Variants in KSR2 observed in about 807,000 individuals in gnomAD.
The protein encoded by KSR2 is kinase suppressor of ras 2.
KSR2 carries 25 observed loss-of-function variants against 107.8 expected under a neutral mutation model. The ratio of observed to expected loss-of-function variants is 0.23; its 90% CI spans 0.17 to 0.32. The LOEUF (loss-of-function observed/expected upper bound fraction) is 0.32, where lower values mean the gene tolerates loss of function less well. Among genes scored for constraint, KSR2 ranks in the 10% least tolerant of loss-of-function variants. The probability of loss-of-function intolerance (pLI) is 1.00; values close to 1 mark genes in which losing one functional copy is unlikely to be tolerated. For synonymous variants in KSR2, 480 were observed against 507.0 expected, an observed-to-expected ratio of 0.95 and a Z score of 0.71; for missense variants, 887 against 1,268.9, an observed-to-expected ratio of 0.70 and a Z score of 4.57.
intron 3 of KSR2, among the ~76,000 whole-genome samples, chr12:117,833,369 G>A (rs1463067270): frequency 2.0e-5 from 3 of 152,024 alleles, no homozygotes; most frequent in African/African-American, 4.8e-5. Context: ...GGTGGGGGTT[G>A]GAGTTTTCTT....
chr12:117,582,507 G>C, intron 5 of KSR2, 148 bp from the exon 6 acceptor site: 1 of 656,116 alleles, frequency 1.5e-6, no homozygotes, highest in South Asian at 1.8e-5. Context: ...GTGGAACACT[G>C]GTTTAGCTTG....
chr12:117,546,591 G>A (rs1226085718), intron 9 of KSR2, among the ~76,000 whole-genome samples: 2 of 152,070 alleles, frequency 1.3e-5, no homozygotes, highest in East Asian at 3.9e-4. Context: ...TCTCTTTCCA[G>A]GACACCGATG....
intron 3 of KSR2, among the ~76,000 whole-genome samples, chr12:117,837,915 T>C (rs1892298857): frequency 6.6e-6 from 1 of 152,156 alleles, no homozygotes; most frequent in Non-Finnish European, 1.5e-5. Context: ...GGTTTCCTGT[T>C]TGAAGAGTGA....
At chr12:117,909,610 G>C (rs1894955609) in intron 1 of KSR2, among the ~76,000 whole-genome samples, 1 of 152,046 alleles carries the variant, frequency 6.6e-6, no homozygotes, top group South Asian at 2.1e-4. Context: ...ATTACATCAA[G>C]ATTATACCAA....
intron 1 of KSR2, among the ~76,000 whole-genome samples, chr12:117,967,202 T>C (rs1445600845): frequency 6.6e-6 from 1 of 152,128 alleles, no homozygotes; most frequent in Non-Finnish European, 1.5e-5. Flanking sequence ...TCTTTCTGAG[T>C]AACTTTGCAA....
intron 14 of KSR2, among the ~76,000 whole-genome samples, chr12:117,491,551 C>T (rs1318527838): frequency 5.3e-5 from 8 of 152,210 alleles, no homozygotes; most frequent in African/African-American, 1.7e-4. Flanking sequence ...TGTTGTCACA[C>T]ACGATAGGAT....
intron 2 of KSR2, among the ~76,000 whole-genome samples, chr12:117,856,503 T>C (rs1321802622): frequency 6.6e-6 from 1 of 152,214 alleles, no homozygotes; most frequent in Non-Finnish European, 1.5e-5. Flanking sequence ...TTTGAGACAG[T>C]CTCGCTCTTG....
intron 4 of KSR2, among the ~76,000 whole-genome samples, chr12:117,721,404 T>C (rs751863688): frequency 1.9e-4 from 29 of 152,308 alleles, no homozygotes; most frequent in African/African-American, 6.7e-4. Context: ...GGCTATATGG[T>C]CAGAATAATA....
At chr12:117,505,344 C>G (rs1873613465) in intron 14 of KSR2, among the ~76,000 whole-genome samples, 1 of 152,190 alleles carries the variant, frequency 6.6e-6, no homozygotes, top group East Asian at 1.9e-4. Flanking sequence ...AACTCAAACC[C>G]TAGAGGCAGC....
At chr12:117,818,914 G>T (rs921188295) in intron 3 of KSR2, among the ~76,000 whole-genome samples, 2 of 152,088 alleles carry the variant, frequency 1.3e-5, no homozygotes, top group Non-Finnish European at 2.9e-5. Context: ...GACATAAAAG[G>T]CTATCATGAA....
chr12:117,911,203 A>C (rs11068740), intron 1 of KSR2, among the ~76,000 whole-genome samples: 12,032 of 148,184 alleles, frequency 0.081, 689 homozygotes, highest in East Asian at 0.18. Flanking sequence ...CACACACTCA[A>C]GAAACAAGAA....
chr12:117,829,589 G>A (rs1593277727), intron 3 of KSR2, among the ~76,000 whole-genome samples: 1 of 152,186 alleles, frequency 6.6e-6, no homozygotes, highest in African/African-American at 2.4e-5. Context: ...ACTCACATCA[G>A]AAACTGATGA....
intron 3 of KSR2, among the ~76,000 whole-genome samples, chr12:117,849,407 G>A (rs764568719): frequency 5.9e-5 from 9 of 152,132 alleles, no homozygotes; most frequent in South Asian, 2.1e-4. Context: ...AACCAATTTC[G>A]TTGAATGAGT....
At chr12:117,939,980 C>T (rs1416772906) in intron 1 of KSR2, among the ~76,000 whole-genome samples, 3 of 150,998 alleles carry the variant, frequency 2.0e-5, no homozygotes, top group Admixed American at 6.6e-5. Flanking sequence ...CACACACACA[C>T]ACACACATTT....
In KSR2 at chr12:117,862,848, C is replaced by G. The variant is rs1269312022; in HGVS notation, c.181-2417G>C. On this transcript the variant is annotated intron_variant, in intron 1 of 19. Coordinates refer to ENST00000339824, the MANE Select transcript of KSR2 (RefSeq NM_173598.6). ...GGGTTCCCTCCATTCTCCTGCCTCA[C>G]CCTCCCGAGTAGCTGGCACTACAGG... Among the ~76,000 whole-genome samples the G allele has an allele frequency of 2.0e-5, 3 of 151,872 alleles. No homozygotes were observed. The East Asian group carries it at 5.8e-4, about 30-fold the overall frequency.
chr12:117,506,275 C>T (rs781087126), intron 14 of KSR2, among the ~76,000 whole-genome samples: 5 of 152,138 alleles, frequency 3.3e-5, no homozygotes, highest in East Asian at 1.9e-4. Flanking sequence ...GATGCAATTT[C>T]GTGAATTATT....
At chr12:117,724,212 G>A (rs773803629) in intron 4 of KSR2, among the ~76,000 whole-genome samples, 10 of 151,484 alleles carry the variant, frequency 6.6e-5, no homozygotes, top group East Asian at 5.8e-4. Flanking sequence ...GGAGGCTTAC[G>A]TGGGAGAATT....
At chr12:117,827,250 T>C (rs1891794532) in intron 3 of KSR2, among the ~76,000 whole-genome samples, 1 of 152,148 alleles carries the variant, frequency 6.6e-6, no homozygotes, top group African/African-American at 2.4e-5. Flanking sequence ...ACTTGGGTGA[T>C]CTTCTGAGAC....
intron 1 of KSR2, among the ~76,000 whole-genome samples, chr12:117,886,946 CAG>C (rs1894194624): frequency 6.6e-6 from 1 of 152,094 alleles, no homozygotes; most frequent in Admixed American, 6.6e-5. Flanking sequence ...TTTTTTGAGA[CAG>C]AGTCTTACTC....
Sources: gnomAD v4.1 joint callset for allele counts (sites outside exome capture counted in the v4.1 genomes callset) on GRCh38, gnomAD v4.1.1 for gene constraint, MANE v1.5 for transcripts, NCBI Gene and HGNC (gene_info 2026-07-23, HGNC 2026-07-21) for gene names.